Variants in UBR3 observed in about 807,000 individuals in gnomAD.
The protein encoded by UBR3 is ubiquitin protein ligase E3 component n-recognin 3, also known as E3 ubiquitin-protein ligase UBR3.
In UBR3, 85 loss-of-function variants were observed where a neutral mutation model predicts 243.2. The ratio of observed to expected loss-of-function variants is 0.35; its 90% CI spans 0.29 to 0.42. The LOEUF (loss-of-function observed/expected upper bound fraction) is 0.42. Among genes scored for constraint, UBR3 ranks in the 10% least tolerant of loss-of-function variants. UBR3 has a pLI of 1.00. For missense variants in UBR3, 1,686 were observed against 2,300.8 expected (o/e 0.73, Z 5.47); for synonymous variants, 748 against 799.8 (o/e 0.94, Z 1.09).
At chr2:170,027,566 A>C (rs2090563484) in intron 30 of UBR3, among the ~76,000 whole-genome samples, 1 of 151,812 alleles carries the variant, frequency 6.6e-6, no homozygotes, top group African/African-American at 2.4e-5. Flanking sequence ...TAAATTAGGG[A>C]AACTAAGATG....
chr2:170,008,349 G>A (rs540431410), intron 28 of UBR3, among the ~76,000 whole-genome samples: 13 of 152,278 alleles, frequency 8.5e-5, no homozygotes, highest in African/African-American at 1.9e-4. Flanking sequence ...TTTCTCAAGC[G>A]AAGACTAATT....
chr2:169,857,516 A>T (rs965143389), intron 1 of UBR3, among the ~76,000 whole-genome samples: 1 of 151,628 alleles, frequency 6.6e-6, no homozygotes, highest in Non-Finnish European at 1.5e-5. Context: ...TCCCAAGTTC[A>T]AGCGTTCCTC....
At chr2:169,919,089 C>T (rs1280116345) in intron 11 of UBR3, among the ~76,000 whole-genome samples, 12 of 152,010 alleles carry the variant, frequency 7.9e-5, no homozygotes, top group Non-Finnish European at 4.4e-5. Flanking sequence ...ATAGCATTTG[C>T]GGCAGGGGGA....
intron 32 of UBR3, among the ~76,000 whole-genome samples, chr2:170,045,821 A>G (rs1339096582): frequency 6.6e-6 from 1 of 152,064 alleles, no homozygotes; most frequent in Non-Finnish European, 1.5e-5. Flanking sequence ...TTTTATCTCT[A>G]TAGTCTTCAG....
intron 1 of UBR3, among the ~76,000 whole-genome samples, chr2:169,838,071 T>C (rs2105281626): frequency 6.6e-6 from 1 of 152,352 alleles, no homozygotes; most frequent in East Asian, 1.9e-4. Flanking sequence ...GTTCCTGTTT[T>C]CATTTGAATT....
At chr2:169,950,578 ATTATAT>A (rs1346608386) in intron 23 of UBR3, among the ~76,000 whole-genome samples, 1 of 151,716 alleles carries the variant, frequency 6.6e-6, no homozygotes, top group Non-Finnish European at 1.5e-5. Flanking sequence ...TTGTTGTTAA[ATTATAT>A]TTATAAACTT....
At chr2:169,850,171 CTTTTTTT>C (rs56133731) in intron 1 of UBR3, among the ~76,000 whole-genome samples, 1 of 57,272 alleles carries the variant, frequency 1.7e-5, no homozygotes. Context: ...TGTTCTAGAG[CTTTTTTT>C]TTTTTTTTTT....
intron 30 of UBR3, among the ~76,000 whole-genome samples, chr2:170,018,746 TAAG>T (rs539443331): frequency 1.7e-3 from 254 of 152,320 alleles, no homozygotes; most frequent in African/African-American, 5.8e-3. Context: ...GTATATACAG[TAAG>T]TACCACCAAC....
chr2:170,077,758 G>T (rs1050724754), intron 36 of UBR3: 2 of 257,318 alleles, frequency 7.8e-6, no homozygotes, highest in Non-Finnish European at 1.5e-5. Context: ...GCTAATTTTT[G>T]TATTTTTAGT....
Position 169,875,789 on chromosome 2 carries a change from A to G in UBR3, c.686-2A>G, listed in dbSNP as rs1233573710. The G allele has an allele frequency of 1.3e-6, 2 of 1,500,874 alleles. No homozygotes were observed. Among genetic ancestry groups the G allele is most frequent in the Non-Finnish European group, 1.8e-6 (2 of 1,129,418 alleles). The allele number at this position is 1,500,874 out of a possible 1,614,324, so 93.0% of individuals were successfully genotyped here. A position where few individuals can be genotyped will look rare whatever the true frequency, so the allele number is the denominator to read the frequency against. On this transcript the variant is annotated splice_acceptor_variant, in intron 2 of 38. Coordinates refer to ENST00000272793, the MANE Select transcript of UBR3 (RefSeq NM_172070.4). LOFTEE classifies it high-confidence loss of function. Reference sequence around the variant, plus strand: ...TTGATTTTTTTTCTTTTTTTCTTTTAGCAGCTGATGGACCATCAGAAAAGG... The same window carrying G: ...TTGATTTTTTTTCTTTTTTTCTTTTGGCAGCTGATGGACCATCAGAAAAGG...
chr2:170,012,554 C>A (rs906391904), intron 29 of UBR3, among the ~76,000 whole-genome samples: 17 of 152,066 alleles, frequency 1.1e-4, no homozygotes, highest in African/African-American at 4.1e-4. Context: ...GGAAGATGAG[C>A]AAATTGAAAT....
At chr2:169,930,910 A>G (rs2086097239) in intron 18 of UBR3, among the ~76,000 whole-genome samples, 1 of 152,118 alleles carries the variant, frequency 6.6e-6, no homozygotes, top group Admixed American at 6.5e-5. Flanking sequence ...GGCCCCTGTT[A>G]TACATCTGTG....
At chr2:170,030,934 CA>C (rs2090651297) in intron 31 of UBR3, among the ~76,000 whole-genome samples, 3 of 152,004 alleles carry the variant, frequency 2.0e-5, no homozygotes, top group Admixed American at 2.0e-4. Context: ...TTGCCTATTT[CA>C]AAAAATTGGA....
At chr2:170,074,697 T>G (rs1158447456) in intron 36 of UBR3, among the ~76,000 whole-genome samples, 1 of 152,182 alleles carries the variant, frequency 6.6e-6, no homozygotes, top group Admixed American at 6.5e-5. Flanking sequence ...AAATGTGACT[T>G]CCTCCATGAA....
At chr2:169,898,033 T>G (rs1251847646) in intron 8 of UBR3, among the ~76,000 whole-genome samples, 1 of 152,198 alleles carries the variant, frequency 6.6e-6, no homozygotes. Context: ...TCAGAACTCT[T>G]ACTATTCTTA....
rs776555222 is a variant in UBR3, at chr2:169,905,064, T to A, written c.1466-50T>A. 73 of 1,400,326 alleles carry A rather than the reference T, an allele frequency of 5.2e-5. 1 individual carries two copies. In the African/African-American group the frequency reaches 1.0e-3, roughly 20 times the overall value. 86.7% of individuals were successfully genotyped at this position (1,400,326 alleles called of 1,614,324 possible). The stretch of plus-strand genomic sequence containing the variant: ...ATATATTCTGTATTATTGGTTAAGC[T>A]TTTTAAAAAAATCTTATGAAATTTT... On this transcript the variant is annotated intron_variant, in intron 8 of 38. Transcript: ENST00000272793.
At chr2:169,989,696 A>G (rs1417310983) in intron 25 of UBR3, among the ~76,000 whole-genome samples, 1 of 152,126 alleles carries the variant, frequency 6.6e-6, no homozygotes, top group Non-Finnish European at 1.5e-5. Flanking sequence ...CTTTCCTTTT[A>G]TTTACAGGTG....
chr2:169,885,618 T>G (rs942424393), intron 5 of UBR3, among the ~76,000 whole-genome samples: 4 of 152,038 alleles, frequency 2.6e-5, no homozygotes, highest in African/African-American at 7.2e-5. Flanking sequence ...AACATTTACA[T>G]TTAGCCCTAC....
At chr2:170,057,366 G>A (rs1400486463) in intron 33 of UBR3, among the ~76,000 whole-genome samples, 1 of 152,020 alleles carries the variant, frequency 6.6e-6, no homozygotes, top group Non-Finnish European at 1.5e-5. Flanking sequence ...TAATCCACCT[G>A]CCTTGGCCTC....
Sources: gnomAD v4.1 joint callset for allele counts (sites outside exome capture counted in the v4.1 genomes callset) on GRCh38, gnomAD v4.1.1 for gene constraint, MANE v1.5 for transcripts, NCBI Gene and HGNC (gene_info 2026-07-23, HGNC 2026-07-21) for gene names.